The following SCUBE2 variants were observed in gnomAD, a reference collection of about 807,000 sequenced individuals.
SCUBE2 encodes the protein signal peptide, CUB domain and EGF like domain containing 2.
A neutral mutation model predicts 125.9 loss-of-function variants in SCUBE2; 114 were observed. That is an observed-to-expected ratio of 0.91 (90% confidence interval 0.78 to 1.06). The LOEUF (loss-of-function observed/expected upper bound fraction) is 1.06. Among genes scored for constraint, SCUBE2 ranks in the 50% least tolerant of loss-of-function variants. The pLI, the probability that SCUBE2 is intolerant of heterozygous loss-of-function variation, is 0.00. For missense variants in SCUBE2, 1,255 were observed against 1,301.8 expected (o/e 0.96, Z 0.55); for synonymous variants, 459 against 492.9 (o/e 0.93, Z 0.91).
chr11:9,081,946 C>A (rs980983937), intron 2 of SCUBE2, among the ~76,000 whole-genome samples: 8 of 152,214 alleles, frequency 5.3e-5, no homozygotes, highest in Admixed American at 3.9e-4. Flanking sequence ...TAAATTCCCA[C>A]CAACAGGTGC....
At chr11:9,047,792 A>G (rs1305878858) in intron 15 of SCUBE2, 151 bp downstream of exon 15, 5 of 1,042,468 alleles carry the variant, frequency 4.8e-6, no homozygotes, top group Non-Finnish European at 7.0e-6. Flanking sequence ...TCAGGTTCCA[A>G]ACCAATTCAG....
Position 9,020,100 on chromosome 11 carries a change from T to G in SCUBE2, c.*945A>C, listed in dbSNP as rs899759317. Among the ~76,000 whole-genome samples the G allele has an allele frequency of 6.6e-6, 1 of 152,204 alleles. No homozygotes were observed. The highest frequency in any genetic ancestry group is 1.5e-5 in the Non-Finnish European group (1 of 68,032). ...GGGAAGGAAGGCATACATGACAGGCTGGGCCTCACCACACCCACCTGGACC... is the reference window on the plus strand; with the variant it reads ...GGGAAGGAAGGCATACATGACAGGCGGGGCCTCACCACACCCACCTGGACC... On this transcript the variant is annotated 3_prime_UTR_variant, in exon 23 of 23. Coordinates refer to ENST00000649792, the MANE Select transcript of SCUBE2 (RefSeq NM_001367977.2).
In SCUBE2 at chr11:9,031,013, C is replaced by G. The variant is rs139889581; in HGVS notation, c.2174-88G>C. 760 of 1,313,434 alleles carry G rather than the reference C, an allele frequency of 5.8e-4. 1 individual carries two copies. In the African/African-American group the frequency reaches 0.01, roughly 18 times the overall value. The allele number at this position is 1,313,434 out of a possible 1,614,324, so 81.4% of individuals were successfully genotyped here. ...CAAATGAGACCAACTTCAGTCCAAC[C>G]TGTTACCCAGTGCTGACCGCAGTTC... is the stretch of plus-strand genomic sequence containing the variant. On this transcript the variant is annotated intron_variant, in intron 17 of 22. Transcript: ENST00000649792.
rs897929073 is a variant in SCUBE2 at position 9,053,213 on chromosome 11, C to G, written c.1333G>C (p.Val445Leu). The G allele has an allele frequency of 1.9e-6, 3 of 1,612,982 alleles. No individual in the cohort carries two copies. Among genetic ancestry groups the G allele is most frequent in the Non-Finnish European group, 2.5e-6 (3 of 1,178,898 alleles). ...ACACTTGTGGGCAGGAGCCCCTTCA[C>G]TTCTAGACAGGACAAAACAGACACT... The part of the protein sequence containing the change: ...LHWNKKDCVE[V>L]KGLLPTSVSP... The change falls in exon 12 of 23, where the codon GTG becomes CTG. Residue 445 changes from valine (V) to leucine (L), a missense_variant and splice_region_variant. By Grantham distance (32) the Val-to-Leu change is conservative (BLOSUM62 1). Around this residue, in one of 3 missense-constraint regions of SCUBE2, gnomAD observed 378 missense variants for 463.1 expected, o/e 0.82. Coordinates refer to ENST00000649792, the MANE Select transcript of SCUBE2 (RefSeq NM_001367977.2).
chr11:9,072,011 G>A (rs1860840107), intron 4 of SCUBE2, among the ~76,000 whole-genome samples: 1 of 151,284 alleles, frequency 6.6e-6, no homozygotes, highest in African/African-American at 2.4e-5. Context: ...GAGTCTCTAA[G>A]GATAAAAAAA....
intron 2 of SCUBE2, among the ~76,000 whole-genome samples, chr11:9,084,255 T>C (rs189835987): frequency 5.3e-5 from 8 of 152,310 alleles, no homozygotes; most frequent in African/African-American, 9.6e-5. Context: ...AAAATAAATA[T>C]AGATGTAATA....
rs978974824 is a variant in SCUBE2, at chr11:9,020,859, G to A, written c.*186C>T. The A allele has an allele frequency of 2.0e-6, 1 of 510,418 alleles. No individual in the cohort carries two copies. The highest frequency in any genetic ancestry group is 3.4e-6 in the Non-Finnish European group (1 of 291,772). The allele number at this position is 510,418 out of a possible 1,614,324, so 31.6% of individuals were successfully genotyped here. ...AAAGCCATTCTCAGTCTACATCCAC[G>A]ATGCTGGGAAAGAAAAACCAAGTTC... On this transcript the variant is annotated 3_prime_UTR_variant, in exon 23 of 23. Transcript: ENST00000649792.
rs1481013771 is a variant in SCUBE2, at chr11:9,048,092, T to A, written c.1646A>T (p.His549Leu). 6.2e-7 allele frequency: 1 copy of A among 1,609,004 alleles called. No individual in the cohort carries two copies. The highest frequency in any genetic ancestry group is 2.2e-5 in the East Asian group (1 of 44,846). The change falls in exon 15 of 23, where the codon CAC (histidine) becomes CTC (leucine). Residue 549 changes from histidine (H) to leucine (L), a missense_variant. Physicochemically the swap from His to Leu is moderately conservative, Grantham distance 99. Coordinates refer to ENST00000649792, the MANE Select transcript of SCUBE2 (RefSeq NM_001367977.2). ...GCGGAAGCTCTCTTTTACTGAGCTG[T>A]GCTTCTCTGTATGAAGAAACAAAAT... ...EGLRPALPEK[H>L]SSVKESFRYV...
At chr11:9,026,044 C>A (rs1218862629) in intron 20 of SCUBE2, 190 bp from the exon 21 acceptor site, 2 of 576,976 alleles carry the variant, frequency 3.5e-6, no homozygotes, top group East Asian at 6.3e-5. Flanking sequence ...TGTGGACCCC[C>A]AGGGGAGGCT....
chr11:9,045,738 C>T (rs1857664915), intron 16 of SCUBE2, among the ~76,000 whole-genome samples: 1 of 152,118 alleles, frequency 6.6e-6, no homozygotes, highest in Admixed American at 6.5e-5. Context: ...CCCACTTCCT[C>T]CCTCAGCAGC....
intron 16 of SCUBE2, among the ~76,000 whole-genome samples, chr11:9,040,751 T>G (rs1371061571): frequency 3.9e-4 from 48 of 124,260 alleles, no homozygotes; most frequent in Middle Eastern, 5.4e-3. Context: ...GTACGCAGCA[T>G]AAAGGGAGGA....
intron 9 of SCUBE2, 142 bp downstream of exon 9, chr11:9,059,161 A>G: frequency 9.5e-6 from 9 of 948,304 alleles, no homozygotes; most frequent in Non-Finnish European, 1.4e-5. Context: ...TAATAGATGA[A>G]ATGAGTGAAG....
At chr11:9,063,843 A>G (rs1041261970) in intron 7 of SCUBE2, among the ~76,000 whole-genome samples, 2 of 152,366 alleles carry the variant, frequency 1.3e-5, no homozygotes, top group South Asian at 4.1e-4. Context: ...TTGATTAGTT[A>G]CCTACACTAT....
chr11:9,050,928 T>G (rs1171310584), intron 13 of SCUBE2, among the ~76,000 whole-genome samples: 1 of 152,110 alleles, frequency 6.6e-6, no homozygotes, highest in Non-Finnish European at 1.5e-5. Flanking sequence ...TACCCCCTCA[T>G]GTGAGAGGCA....
intron 7 of SCUBE2, among the ~76,000 whole-genome samples, chr11:9,061,922 A>C (rs777111706): frequency 1.3e-5 from 2 of 152,220 alleles, no homozygotes; most frequent in African/African-American, 2.4e-5. Context: ...TTCTAGAGGC[A>C]GAAATGAGGA....
intron 4 of SCUBE2, 127 bp from the exon 5 acceptor site, chr11:9,069,622 G>C: frequency 8.1e-7 from 1 of 1,227,066 alleles, no homozygotes; most frequent in South Asian, 1.4e-5. Context: ...CCCCACATTT[G>C]AAAAGTATAT....
At chr11:9,060,563 G>T (rs746009177) in intron 7 of SCUBE2, 39 bp from the exon 8 acceptor site, 6 of 1,553,198 alleles carry the variant, frequency 3.9e-6, no homozygotes, top group Non-Finnish European at 5.3e-6. Flanking sequence ...GCTTCCCAAA[G>T]AAGTGCTGAT....
intron 2 of SCUBE2, among the ~76,000 whole-genome samples, 184 bp downstream of exon 2, chr11:9,089,523 G>A (rs766192038): frequency 6.6e-6 from 1 of 152,176 alleles, no homozygotes; most frequent in African/African-American, 2.4e-5. Context: ...GAGCAGCTCT[G>A]GGGAAGACCT....
In SCUBE2 at chr11:9,091,409, C is replaced by T. The variant is rs1862716513; in HGVS notation, c.120G>A (p.Ala40=). 1.5e-6 allele frequency: 2 copies of T among 1,309,602 alleles called. No homozygotes were observed. The highest frequency in any genetic ancestry group is 1.9e-6 in the Non-Finnish European group (2 of 1,034,778). The allele number at this position is 1,309,602 out of a possible 1,614,324, so 81.1% of individuals were successfully genotyped here. A position where few individuals can be genotyped will look rare whatever the true frequency, so the allele number is the denominator to read the frequency against. The change falls in exon 1 of 23, where the codon GCG becomes GCA. Residue 40 remains alanine (A), a synonymous_variant. Coordinates refer to ENST00000649792, the MANE Select transcript of SCUBE2 (RefSeq NM_001367977.2). This position sits in a 1 kb window ranked among gnomAD's most constrained non-coding sequence, Gnocchi z 8.5. Reference sequence around the variant, plus strand: ...CCGGACACTCACCCTCCTGCGGCCCCGCGGCACGGCCCCGACCCGGCGGGA... The same window carrying T: ...CCGGACACTCACCCTCCTGCGGCCCTGCGGCACGGCCCCGACCCGGCGGGA... The part of the protein sequence containing the change: ...GAVPPGRGRA[A]GPQEDVDECA...
Sources: allele counts gnomAD v4.1 joint callset (sites outside exome capture counted in the v4.1 genomes callset), GRCh38; gene constraint gnomAD v4.1.1; regional missense constraint gnomAD v4.1.1; non-coding constraint Gnocchi (gnomAD v3.1); transcripts MANE v1.5; gene names NCBI Gene and HGNC (gene_info 2026-07-23, HGNC 2026-07-21).